CRPPA: variants seen among roughly 807,000 people sequenced by gnomAD.
CRPPA encodes D-ribitol-5-phosphate cytidylyltransferase.
A neutral mutation model predicts 52.0 loss-of-function variants in CRPPA; 43 were observed. That is an observed-to-expected ratio of 0.83 (90% confidence interval 0.65 to 1.07). The LOEUF (loss-of-function observed/expected upper bound fraction) is 1.07, where lower values mean the gene tolerates loss of function less well. CRPPA is among the 50% of genes least tolerant of loss of function. The pLI is 0.00. For missense variants in CRPPA, 629 were observed against 551.7 expected, an observed-to-expected ratio of 1.14 and a Z score of -1.40; for synonymous variants, 250 against 203.5, an observed-to-expected ratio of 1.23 and a Z score of -1.94.
intron 4 of CRPPA, among the ~76,000 whole-genome samples, chr7:16,303,446 G>C (rs910605116): frequency 1.9e-5 from 2 of 104,122 alleles, no homozygotes; most frequent in African/African-American, 7.6e-5. Flanking sequence ...TCTACATGTT[G>C]TTCTTGTTTC....
intron 9 of CRPPA, among the ~76,000 whole-genome samples, chr7:16,116,931 G>T (rs781755932): frequency 1.3e-5 from 2 of 152,178 alleles, no homozygotes; most frequent in Non-Finnish European, 2.9e-5. Flanking sequence ...CAATCTGGCT[G>T]AAAGTCTTTA....
chr7:16,112,684 C>A (rs1193805229), intron 9 of CRPPA, among the ~76,000 whole-genome samples: 6 of 152,028 alleles, frequency 3.9e-5, no homozygotes, highest in Non-Finnish European at 8.8e-5. Flanking sequence ...GAAAGTAGTG[C>A]AATTAATGGA....
At chr7:16,314,233 C>A (rs895758075) in intron 3 of CRPPA, among the ~76,000 whole-genome samples, 1 of 151,678 alleles carries the variant, frequency 6.6e-6, no homozygotes, top group African/African-American at 2.4e-5. Flanking sequence ...GGAAGATTGA[C>A]CCTTCTATCA....
rs367919581 is a variant in CRPPA at position 16,346,060 on chromosome 7, T to C, written c.684+30032A>G. On this transcript the variant is annotated intron_variant, in intron 3 of 9. Transcript: ENST00000407010. ...ATCAGACACACTGGAAAAGATAATT[T>C]TATCTCAAATATAAAACTGTTTTCA... is the stretch of plus-strand genomic sequence containing the variant. Among the ~76,000 whole-genome samples the C allele has an allele frequency of 8.5e-5, 13 of 152,298 alleles. 1 individual carries two copies. In the East Asian group the frequency reaches 2.5e-3, roughly 29 times the overall value.
chr7:16,099,268 G>C (rs2128363216), intron 9 of CRPPA, among the ~76,000 whole-genome samples: 1 of 150,308 alleles, frequency 6.7e-6, no homozygotes, highest in South Asian at 2.1e-4. Context: ...AAAGAGGAGA[G>C]GGAGAGGGGC....
At chr7:16,351,064 ATAGG>A (rs1046410358) in intron 3 of CRPPA, among the ~76,000 whole-genome samples, 2 of 152,182 alleles carry the variant, frequency 1.3e-5, no homozygotes, top group African/African-American at 4.8e-5. Flanking sequence ...TTTTAAATAT[ATAGG>A]CACCCAATAT....
intron 9 of CRPPA, among the ~76,000 whole-genome samples, chr7:16,124,867 A>AT (rs979031790): frequency 6.7e-6 from 1 of 149,608 alleles, no homozygotes; most frequent in African/African-American, 2.5e-5. Flanking sequence ...TAATTTTAAA[A>AT]TAAAAAAATA....
At chr7:16,339,006 A>G (rs988788004) in intron 3 of CRPPA, among the ~76,000 whole-genome samples, 1 of 151,532 alleles carries the variant, frequency 6.6e-6, no homozygotes, top group Non-Finnish European at 1.5e-5. Context: ...TTTAGTAGAG[A>G]TGGGGCTTCA....
intron 2 of CRPPA, among the ~76,000 whole-genome samples, chr7:16,396,120 A>G (rs1160817862): frequency 6.6e-6 from 1 of 152,222 alleles, no homozygotes; most frequent in Non-Finnish European, 1.5e-5. Context: ...AAGTTTCTCT[A>G]GAAGACAATA....
chr7:16,286,034 AAAAAATATAAATATATAT>A (rs1784423254), intron 5 of CRPPA, among the ~76,000 whole-genome samples: 5 of 21,356 alleles, frequency 2.3e-4, no homozygotes, highest in African/African-American at 6.2e-4. Flanking sequence ...AAAAAAAAAA[AAAAAATATAAATATATAT>A]ATATATATAT....
At chr7:16,286,011 A>G (rs1784420331) in intron 5 of CRPPA, among the ~76,000 whole-genome samples, 1 of 92,426 alleles carries the variant, frequency 1.1e-5, no homozygotes, top group Non-Finnish European at 2.1e-5. Context: ...TAAGAGTGAA[A>G]CTCCATCTCA....
intron 8 of CRPPA, among the ~76,000 whole-genome samples, chr7:16,256,078 A>G (rs1401332647): frequency 1.3e-5 from 2 of 152,206 alleles, no homozygotes; most frequent in African/African-American, 2.4e-5. Context: ...ATCCACAAGG[A>G]ACTTAAACAA....
Position 16,296,824 on chromosome 7 carries a change from C to T in CRPPA, c.835+4597G>A, listed in dbSNP as rs150280581. On this transcript the variant is annotated intron_variant, in intron 5 of 9. Coordinates refer to ENST00000407010, the MANE Select transcript of CRPPA (RefSeq NM_001101426.4). Reference sequence around the variant, plus strand: ...TCATTACAACATTATATGCTTTTCACACACCTGTGATGCCAGTAACAAACA... The same window carrying T: ...TCATTACAACATTATATGCTTTTCATACACCTGTGATGCCAGTAACAAACA... Among the ~76,000 whole-genome samples the T allele has an allele frequency of 4.8e-3, 728 of 152,308 alleles. 10 individuals are homozygous for T. The highest frequency in any genetic ancestry group is 0.017 in the African/African-American group (696 of 41,578).
chr7:16,251,933 T>C (rs1037918739), intron 8 of CRPPA, among the ~76,000 whole-genome samples: 4 of 151,548 alleles, frequency 2.6e-5, no homozygotes, highest in Non-Finnish European at 5.9e-5. Flanking sequence ...AATCAGTGAG[T>C]CCAGGAGATG....
intron 1 of CRPPA, among the ~76,000 whole-genome samples, chr7:16,413,863 C>T (rs1251211648): frequency 1.3e-5 from 2 of 152,050 alleles, no homozygotes; most frequent in Non-Finnish European, 2.9e-5. Flanking sequence ...TAAACACATA[C>T]AGATCTACAA....
At chr7:16,296,798 G>A (rs933878833) in intron 5 of CRPPA, among the ~76,000 whole-genome samples, 4 of 152,158 alleles carry the variant, frequency 2.6e-5, no homozygotes, top group African/African-American at 9.7e-5. Flanking sequence ...CTAGAAATCT[G>A]TCATTACAAC....
At chr7:16,379,565 A>G (rs1393515005) in intron 2 of CRPPA, among the ~76,000 whole-genome samples, 3 of 152,206 alleles carry the variant, frequency 2.0e-5, no homozygotes, top group South Asian at 2.1e-4. Context: ...CATTGAATCT[A>G]TAAATTACCT....
rs1367663268 is a variant in CRPPA, at chr7:16,120,868, T to C, written c.1252-29069A>G. 2.6e-5 allele frequency among the ~76,000 whole-genome samples: 4 copies of C among 151,468 alleles called. No individual in the cohort carries two copies. In the East Asian group the frequency reaches 7.7e-4, roughly 29 times the overall value. ...TCTGAAAAGATAAGGATTTAAAAAA[T>C]ACATTATTTAAAGTGTATCACAGAA... is the stretch of plus-strand genomic sequence containing the variant. On this transcript the variant is annotated intron_variant, in intron 9 of 9. Coordinates refer to ENST00000407010, the MANE Select transcript of CRPPA (RefSeq NM_001101426.4).
intron 5 of CRPPA, among the ~76,000 whole-genome samples, chr7:16,281,310 CT>C (rs35798582): frequency 0.67 from 102,339 of 151,910 alleles, 34,876 homozygotes; most frequent in East Asian, 0.75. Context: ...GTTGACACCA[CT>C]TATAAATTGA....
Sources: gnomAD v4.1 joint callset for allele counts (sites outside exome capture counted in the v4.1 genomes callset) on GRCh38, gnomAD v4.1.1 for gene constraint, MANE v1.5 for transcripts, NCBI Gene and HGNC (gene_info 2026-07-23, HGNC 2026-07-21) for gene names.